RASA2: variants seen among roughly 807,000 people sequenced by gnomAD.
The protein encoded by RASA2 is ras GTPase-activating protein 2.
A neutral mutation model predicts 118.2 loss-of-function variants in RASA2; 155 were observed. The observed-to-expected ratio is 1.31, with a 90% CI of 1.15 to 1.50. RASA2 has a LOEUF of 1.50. Ranked by LOEUF, RASA2 falls within the 40% of genes most tolerant of loss-of-function variation. RASA2 has a pLI of 0.00. For missense variants in RASA2, 1,016 were observed against 1,009.6 expected (o/e 1.01, Z -0.09); for synonymous variants, 353 against 349.1 (o/e 1.01, Z -0.12).
chr3:141,557,787 T>A (rs915657143), intron 7 of RASA2, among the ~76,000 whole-genome samples: 3 of 151,324 alleles, frequency 2.0e-5, no homozygotes, highest in African/African-American at 7.3e-5. Flanking sequence ...AAAGAGAGAA[T>A]GCAAAGGGCA....
chr3:141,543,193 G>A (rs1419192871), intron 5 of RASA2, among the ~76,000 whole-genome samples: 1 of 151,462 alleles, frequency 6.6e-6, no homozygotes, highest in Non-Finnish European at 1.5e-5. Flanking sequence ...AAAATCTATG[G>A]TCTCTTTGTA....
intron 5 of RASA2, among the ~76,000 whole-genome samples, chr3:141,553,030 A>G (rs1459047889): frequency 6.6e-6 from 1 of 152,214 alleles, no homozygotes; most frequent in Non-Finnish European, 1.5e-5. Context: ...TGAGCCATGG[A>G]GTAGATTAGA....
At chr3:141,584,584 C>T (rs1464870570) in intron 17 of RASA2, among the ~76,000 whole-genome samples, 1 of 152,132 alleles carries the variant, frequency 6.6e-6, no homozygotes, top group Non-Finnish European at 1.5e-5. Context: ...TCAGTCATGA[C>T]TGTGAAATAC....
chr3:141,541,109 A>G (rs2082398937), intron 5 of RASA2, among the ~76,000 whole-genome samples: 1 of 151,626 alleles, frequency 6.6e-6, no homozygotes, highest in South Asian at 2.1e-4. Flanking sequence ...CCAATCCCCT[A>G]CTCTTTTCCT....
chr3:141,560,935 C>T (rs2082721547), intron 9 of RASA2, among the ~76,000 whole-genome samples: 1 of 152,062 alleles, frequency 6.6e-6, no homozygotes, highest in South Asian at 2.1e-4. Context: ...AGAGTCTTGT[C>T]CTAGAGCAGT....
chr3:141,566,250 G>T (rs2082818877), intron 9 of RASA2, among the ~76,000 whole-genome samples: 1 of 152,172 alleles, frequency 6.6e-6, no homozygotes. Flanking sequence ...ATTGCAAAAG[G>T]AGAAACAACC....
chr3:141,580,328 T>C (rs1229576626), intron 15 of RASA2, 40 bp from the exon 16 acceptor site: 26 of 1,450,044 alleles, frequency 1.8e-5, no homozygotes, highest in Non-Finnish European at 2.5e-5. Flanking sequence ...AACTATTTTC[T>C]TGAAAACTTA....
intron 17 of RASA2, 130 bp from the exon 18 acceptor site, chr3:141,585,895 T>C: frequency 1.8e-6 from 1 of 554,730 alleles, no homozygotes; most frequent in Non-Finnish European, 3.0e-6. Context: ...TTTTGTTTTA[T>C]AAATTACTAT....
intron 5 of RASA2, among the ~76,000 whole-genome samples, chr3:141,547,008 A>G (rs2082495577): frequency 6.6e-6 from 1 of 152,156 alleles, no homozygotes; most frequent in African/African-American, 2.4e-5. Context: ...AGTTCACTGT[A>G]GATGTACGGA....
chr3:141,501,796 A>G (rs1442084823), intron 1 of RASA2, among the ~76,000 whole-genome samples: 1 of 152,136 alleles, frequency 6.6e-6, no homozygotes, highest in East Asian at 1.9e-4. Context: ...TTTACTCTAA[A>G]CTAGTCAATA....
At chr3:141,559,177 AG>A (rs2082693345) in intron 8 of RASA2, among the ~76,000 whole-genome samples, 1 of 152,176 alleles carries the variant, frequency 6.6e-6, no homozygotes, top group Non-Finnish European at 1.5e-5. Flanking sequence ...TTATAAACAA[AG>A]ATGATCTAAT....
At chr3:141,578,200 C>G (rs1333956919) in intron 15 of RASA2, among the ~76,000 whole-genome samples, 1 of 152,188 alleles carries the variant, frequency 6.6e-6, no homozygotes, top group Non-Finnish European at 1.5e-5. Context: ...GTAACTTTTC[C>G]AAGCTCACAC....
chr3:141,577,244 C>T, intron 15 of RASA2, 138 bp downstream of exon 15: 2 of 626,502 alleles, frequency 3.2e-6, no homozygotes, highest in Admixed American at 3.4e-5. Context: ...TTTTTCTTGG[C>T]CATTTCAGTC....
intron 8 of RASA2, among the ~76,000 whole-genome samples, 174 bp from the exon 9 acceptor site, chr3:141,559,720 G>A (rs1330075753): frequency 3.3e-5 from 5 of 152,208 alleles, no homozygotes; most frequent in Admixed American, 2.0e-4. Context: ...AAAAGCTGCT[G>A]TAGTATTTTG....
intron 21 of RASA2, 28 bp from the exon 22 acceptor site, chr3:141,609,392 T>C (rs2083600669): frequency 3.7e-6 from 5 of 1,368,992 alleles, no homozygotes; most frequent in African/African-American, 1.5e-5. Flanking sequence ...ATTTGTATAA[T>C]ATCTTTATTT....
At chr3:141,611,116 C>G (rs1467267991) in intron 23 of RASA2, among the ~76,000 whole-genome samples, 1 of 152,102 alleles carries the variant, frequency 6.6e-6, no homozygotes, top group Non-Finnish European at 1.5e-5. Context: ...AATGAAGTCC[C>G]AATTGAGGTG....
chr3:141,553,988 T>A, intron 6 of RASA2, 48 bp downstream of exon 6: 1 of 1,555,150 alleles, frequency 6.4e-7, no homozygotes, highest in Non-Finnish European at 8.7e-7. Context: ...TGATGTTTGA[T>A]TTAAAAATTT....
Position 141,553,856 on chromosome 3 carries a change from G to T in RASA2, c.528-1G>T. Reference sequence around the variant, plus strand: ...GTTAAATCTCTTTTATTCTACCTTAGCATCAAGGCATGCCATGGGTTGCCT... The same window carrying T: ...GTTAAATCTCTTTTATTCTACCTTATCATCAAGGCATGCCATGGGTTGCCT... On this transcript the variant is annotated splice_acceptor_variant, in intron 5 of 23. Transcript: ENST00000286364. LOFTEE classifies it high-confidence loss of function. The T allele has an allele frequency of 6.2e-7, 1 of 1,608,952 alleles. No homozygotes were observed. Among genetic ancestry groups the T allele is most frequent in the Non-Finnish European group, 8.5e-7 (1 of 1,177,996 alleles).
In RASA2 at chr3:141,570,992, A is replaced by T. The variant is rs915470548; in HGVS notation, c.944A>T (p.Tyr315Phe). The change falls in exon 10 of 24, where the codon TAT becomes TTT. Residue 315 changes from tyrosine to phenylalanine, a missense_variant. Tyr to Phe is a conservative substitution (Grantham distance 22). Around this residue, in one of 2 missense-constraint regions of RASA2, gnomAD observed 896 missense variants for 836.4 expected, o/e 1.07. Coordinates refer to ENST00000286364, the MANE Select transcript of RASA2 (RefSeq NM_006506.5). Reference protein sequence around the residue: ...DLGSLRLNICYTEDYVLPSEY... With the variant: ...DLGSLRLNICFTEDYVLPSEY... ...GGGTCTCTTCGATTAAATATATGTT[A>T]TACAGAAGACTACGTGCTTCCTTCA... 3.0e-5 allele frequency: 48 copies of T among 1,612,548 alleles called. No homozygotes were observed. The highest frequency in any genetic ancestry group is 3.7e-5 in the Non-Finnish European group (44 of 1,179,242).
Sources: allele counts gnomAD v4.1 joint callset (sites outside exome capture counted in the v4.1 genomes callset), GRCh38; gene constraint gnomAD v4.1.1; regional missense constraint gnomAD v4.1.1; transcripts MANE v1.5; gene names NCBI Gene and HGNC (gene_info 2026-07-23, HGNC 2026-07-21).